GULP1: variants seen among roughly 807,000 people sequenced by gnomAD.
The protein encoded by GULP1 is GULP PTB domain containing engulfment adaptor 1, also known as PTB domain-containing engulfment adapter protein 1.
GULP1 carries 19 observed loss-of-function variants against 40.9 expected under a neutral mutation model. The observed-to-expected ratio is 0.46, with a 90% CI of 0.32 to 0.68. GULP1 has a LOEUF of 0.68. Among genes scored for constraint, GULP1 ranks in the 30% least tolerant of loss-of-function variants. The pLI is 0.03. For missense variants in GULP1, 312 were observed against 362.2 expected (o/e 0.86, Z 1.12); for synonymous variants, 119 against 117.6 (o/e 1.01, Z -0.08).
intron 9 of GULP1, among the ~76,000 whole-genome samples, chr2:188,571,760 T>C (rs1220339385): frequency 2.0e-5 from 3 of 152,190 alleles, no homozygotes; most frequent in Non-Finnish European, 4.4e-5. Context: ...CGAAATATGC[T>C]AGGAGAATAA....
chr2:188,501,758 G>C (rs543427552), intron 4 of GULP1, among the ~76,000 whole-genome samples: 2 of 151,938 alleles, frequency 1.3e-5, no homozygotes, highest in Non-Finnish European at 2.9e-5. Flanking sequence ...CTTAGAAAAA[G>C]GATGCCCCTG....
chr2:188,576,582 T>C (rs1160006135), intron 9 of GULP1, among the ~76,000 whole-genome samples: 1 of 152,184 alleles, frequency 6.6e-6, no homozygotes, highest in Admixed American at 6.6e-5. Context: ...TACTTGTTTT[T>C]AAACAGAATA....
chr2:188,401,219 T>C (rs570897402), intron 2 of GULP1, among the ~76,000 whole-genome samples: 37 of 152,018 alleles, frequency 2.4e-4, no homozygotes, highest in Non-Finnish European at 4.3e-4. Context: ...AATAATGACA[T>C]ATAGAAATAA....
chr2:188,333,109 G>T (rs1008826566), intron 1 of GULP1, among the ~76,000 whole-genome samples: 1 of 152,016 alleles, frequency 6.6e-6, no homozygotes, highest in African/African-American at 2.4e-5. Context: ...GCGGGGCATG[G>T]TGGTGTGTGC....
chr2:188,547,552 C>G (rs557002941), intron 7 of GULP1, among the ~76,000 whole-genome samples: 18 of 152,102 alleles, frequency 1.2e-4, no homozygotes, highest in Non-Finnish European at 2.5e-4. Context: ...TTAAGCCAGT[C>G]TAGCCTTTTC....
In GULP1 at chr2:188,594,061, T is replaced by A. The variant is rs748130013; in HGVS notation, c.*50T>A. 1.2e-5 allele frequency: 11 copies of A among 904,790 alleles called. No individual in the cohort carries two copies. The African/African-American group carries it at 1.8e-4, about 15-fold the overall frequency. The allele number at this position is 904,790 out of a possible 1,614,324, so 56.0% of individuals were successfully genotyped here. A position where few individuals can be genotyped will look rare whatever the true frequency, so the allele number is the denominator to read the frequency against. ...CATGTTAAATGTGTTTGTATACACA[T>A]GTCATTTATTATTATTACTTTAAGA... is the stretch of plus-strand genomic sequence containing the variant. On this transcript the variant is annotated 3_prime_UTR_variant, in exon 12 of 12. Coordinates refer to ENST00000409830, the MANE Select transcript of GULP1 (RefSeq NM_016315.4).
chr2:188,420,621 A>C (rs1399114195), intron 2 of GULP1, among the ~76,000 whole-genome samples: 1 of 152,182 alleles, frequency 6.6e-6, no homozygotes, highest in Non-Finnish European at 1.5e-5. Flanking sequence ...AATTTATTGA[A>C]TGAAAGTAAA....
intron 6 of GULP1, among the ~76,000 whole-genome samples, chr2:188,539,178 C>T (rs1483639729): frequency 1.3e-5 from 2 of 151,976 alleles, no homozygotes; most frequent in Non-Finnish European, 2.9e-5. Flanking sequence ...GATTTCAGCA[C>T]CAGCTAAGTG....
At chr2:188,301,257 T>TA (rs1301619693) in intron 1 of GULP1, among the ~76,000 whole-genome samples, 9 of 152,152 alleles carry the variant, frequency 5.9e-5, no homozygotes, top group Non-Finnish European at 1.0e-4. Flanking sequence ...CTCCTGGGCT[T>TA]AAACAATTCT....
chr2:188,410,139 T>C (rs10204674), intron 2 of GULP1, among the ~76,000 whole-genome samples: 32,668 of 151,960 alleles, frequency 0.21, 3,697 homozygotes, highest in African/African-American at 0.27. Context: ...ACTGGACAGT[T>C]GCATGGAGAA....
At chr2:188,351,580 A>G (rs914900966) in intron 1 of GULP1, among the ~76,000 whole-genome samples, 9 of 152,200 alleles carry the variant, frequency 5.9e-5, no homozygotes, top group Non-Finnish European at 1.2e-4. Context: ...TGATCCATGC[A>G]TTCTAGAGGT....
At chr2:188,508,272 G>A (rs2064135942) in intron 4 of GULP1, among the ~76,000 whole-genome samples, 1 of 151,896 alleles carries the variant, frequency 6.6e-6, no homozygotes, top group Non-Finnish European at 1.5e-5. Flanking sequence ...TTCAAGTGTT[G>A]AGAAAACTAA....
intron 2 of GULP1, among the ~76,000 whole-genome samples, chr2:188,444,101 A>C (rs1407956941): frequency 6.6e-6 from 1 of 152,162 alleles, no homozygotes; most frequent in Non-Finnish European, 1.5e-5. Context: ...AGACTATTAC[A>C]TACACCCTTA....
intron 2 of GULP1, among the ~76,000 whole-genome samples, chr2:188,475,711 T>C (rs1049515689): frequency 6.6e-6 from 1 of 152,144 alleles, no homozygotes; most frequent in Non-Finnish European, 1.5e-5. Context: ...AGTTTATTTT[T>C]ATTTTTTCCT....
intron 3 of GULP1, among the ~76,000 whole-genome samples, chr2:188,482,475 G>T (rs560787507): frequency 6.6e-6 from 1 of 151,240 alleles, no homozygotes; most frequent in African/African-American, 2.4e-5. Flanking sequence ...TTAAACTCCC[G>T]TGAAAAATAA....
intron 4 of GULP1, among the ~76,000 whole-genome samples, chr2:188,505,998 T>C (rs1450740998): frequency 2.0e-5 from 3 of 152,018 alleles, no homozygotes; most frequent in East Asian, 1.9e-4. Context: ...TTAACAGATA[T>C]ATAATTATAG....
Position 188,377,331 on chromosome 2 carries a change from A to G in GULP1, c.-171-6432A>G, listed in dbSNP as rs180888248. Among the ~76,000 whole-genome samples the G allele has an allele frequency of 3.7e-4, 56 of 152,322 alleles. No homozygotes were observed. In the East Asian group the frequency reaches 0.01, roughly 27 times the overall value. On this transcript the variant is annotated intron_variant, in intron 1 of 11. Transcript: ENST00000409830. ...TTGCTGAGTTTTTATGTGTCGGGCTATATGATTAGTGCTGTGTATAGATTA... is the reference window on the plus strand; with the variant it reads ...TTGCTGAGTTTTTATGTGTCGGGCTGTATGATTAGTGCTGTGTATAGATTA...
At chr2:188,329,786 C>T (rs1019179863) in intron 1 of GULP1, among the ~76,000 whole-genome samples, 10 of 151,932 alleles carry the variant, frequency 6.6e-5, no homozygotes, top group African/African-American at 2.2e-4. Flanking sequence ...TAGTGAGAAG[C>T]GATGGGGTTC....
chr2:188,491,268 CAT>C (rs2062363217), intron 4 of GULP1, among the ~76,000 whole-genome samples: 1 of 151,618 alleles, frequency 6.6e-6, no homozygotes, highest in African/African-American at 2.4e-5. Context: ...GAAAAAAAAA[CAT>C]GTTTCCAAAA....
Sources: gnomAD v4.1 joint callset for allele counts (sites outside exome capture counted in the v4.1 genomes callset) on GRCh38, gnomAD v4.1.1 for gene constraint, MANE v1.5 for transcripts, NCBI Gene and HGNC (gene_info 2026-07-23, HGNC 2026-07-21) for gene names.